GALNTL5: variants seen among roughly 807,000 people sequenced by gnomAD.
GALNTL5 encodes the protein inactive polypeptide N-acetylgalactosaminyltransferase-like protein 5.
A neutral mutation model predicts 51.0 loss-of-function variants in GALNTL5; 44 were observed. The ratio of observed to expected loss-of-function variants is 0.86; its 90% CI spans 0.68 to 1.11. The LOEUF is 1.11. Among genes scored for constraint, GALNTL5 ranks in the 50% least tolerant of loss-of-function variants. The probability of loss-of-function intolerance (pLI) is 0.00; values close to 1 mark genes in which losing one functional copy is unlikely to be tolerated. For synonymous variants in GALNTL5, 192 were observed against 182.8 expected, an observed-to-expected ratio of 1.05 and a Z score of -0.41; for missense variants, 528 against 531.8, an observed-to-expected ratio of 0.99 and a Z score of 0.07.
At chr7:151,978,676 G>T (rs1364376007) in intron 3 of GALNTL5, among the ~76,000 whole-genome samples, 1 of 152,196 alleles carries the variant, frequency 6.6e-6, no homozygotes, top group Admixed American at 6.5e-5. Context: ...AAATCAAGTT[G>T]TTGGCAGGAT....
intron 6 of GALNTL5, among the ~76,000 whole-genome samples, chr7:152,005,133 G>C (rs2081627666): frequency 6.6e-6 from 1 of 152,068 alleles, no homozygotes; most frequent in African/African-American, 2.4e-5. Context: ...ATTAGTCATG[G>C]TATTAATTAG....
At chr7:151,957,156 A>G in intron 1 of GALNTL5, among the ~76,000 whole-genome samples, 1 of 146,580 alleles carries the variant, frequency 6.8e-6, no homozygotes, top group East Asian at 2.0e-4. Context: ...AAAAAAAAAA[A>G]AAAGGAAAAA....
intron 7 of GALNTL5, among the ~76,000 whole-genome samples, chr7:152,011,852 C>G (rs1397068016): frequency 6.6e-6 from 1 of 152,182 alleles, no homozygotes; most frequent in Non-Finnish European, 1.5e-5. Context: ...CAGTTATTGT[C>G]ACAGCAGCAG....
intron 8 of GALNTL5, among the ~76,000 whole-genome samples, chr7:152,018,487 G>A (rs1340311680): frequency 6.6e-6 from 1 of 151,986 alleles, no homozygotes; most frequent in South Asian, 2.1e-4. Flanking sequence ...CGCTGGTCAG[G>A]GATCTAGATG....
At chr7:152,016,746 T>C in intron 8 of GALNTL5, among the ~76,000 whole-genome samples, 1 of 151,844 alleles carries the variant, frequency 6.6e-6, no homozygotes, top group East Asian at 1.9e-4. Context: ...GCAATGAAAA[T>C]TAACTGGGCT....
chr7:151,991,012 A>G (rs547878322), intron 5 of GALNTL5, among the ~76,000 whole-genome samples: 1 of 152,258 alleles, frequency 6.6e-6, no homozygotes, highest in South Asian at 2.1e-4. Context: ...TTTTTCCTTT[A>G]TGATTTTTGG....
rs551609772 is a variant in GALNTL5, at chr7:151,957,240, A to G, written c.-40+631A>G. The stretch of plus-strand genomic sequence containing the variant: ...TGGTCATGTTTTCCTGATTCAATAG[A>G]CTCGTATTTTTTTAAAAACTTGGCC... On this transcript the variant is annotated intron_variant, in intron 1 of 8. Coordinates refer to ENST00000392800, the MANE Select transcript of GALNTL5 (RefSeq NM_145292.4). Among the ~76,000 whole-genome samples, 7 of 151,616 alleles carry G rather than the reference A, an allele frequency of 4.6e-5. No homozygotes were observed. In the South Asian group the frequency reaches 1.5e-3, roughly 32 times the overall value.
chr7:151,969,417 A>G (rs2081100174), intron 2 of GALNTL5, among the ~76,000 whole-genome samples: 1 of 152,366 alleles, frequency 6.6e-6, no homozygotes, highest in East Asian at 1.9e-4. Flanking sequence ...TCACCCATCC[A>G]AACCCAATGA....
At chr7:151,998,889 C>G (rs2081535679) in intron 5 of GALNTL5, among the ~76,000 whole-genome samples, 1 of 151,578 alleles carries the variant, frequency 6.6e-6, no homozygotes, top group South Asian at 2.1e-4. Context: ...AAAAATTAAC[C>G]AGATTTTTTA....
Position 151,961,601 on chromosome 7 carries a change from T to C in GALNTL5, c.-40+4992T>C, listed in dbSNP as rs113165416. Reference sequence around the variant, plus strand: ...AGTAAATATTCAAAGGCCAAGAGGATACTTGAGCAAATCAGAGTGTGGGTC... The same window carrying C: ...AGTAAATATTCAAAGGCCAAGAGGACACTTGAGCAAATCAGAGTGTGGGTC... On this transcript the variant is annotated intron_variant, in intron 1 of 8. Coordinates refer to ENST00000392800, the MANE Select transcript of GALNTL5 (RefSeq NM_145292.4). 2.9e-3 allele frequency among the ~76,000 whole-genome samples: 441 copies of C among 152,304 alleles called. 4 individuals are homozygous for C. Among genetic ancestry groups the C allele is most frequent in the African/African-American group, 9.7e-3 (405 of 41,566 alleles).
At chr7:151,979,609 G>A (rs926588168) in intron 3 of GALNTL5, among the ~76,000 whole-genome samples, 9 of 151,630 alleles carry the variant, frequency 5.9e-5, no homozygotes, top group South Asian at 4.2e-4. Flanking sequence ...ACAGGCACCC[G>A]CCACCACGGC....
intron 7 of GALNTL5, 60 bp downstream of exon 7, chr7:152,008,004 C>G (rs2081672819): frequency 3.3e-6 from 3 of 918,698 alleles, no homozygotes; most frequent in African/African-American, 1.7e-5. Flanking sequence ...TTGTCACATA[C>G]AATGCTGTGG....
rs747452765 is a variant in GALNTL5 at position 151,970,986 on chromosome 7, C to G, written c.289C>G (p.Leu97Val). 1 of 1,606,974 alleles carries G rather than the reference C, an allele frequency of 6.2e-7. No individual in the cohort carries two copies. The highest frequency in any genetic ancestry group is 8.5e-7 in the Non-Finnish European group (1 of 1,174,396). The change falls in exon 3 of 9, where the codon CTT becomes GTT. Residue 97 changes from leucine to valine, a missense_variant. By Grantham distance (32) the Leu-to-Val change is conservative. Coordinates refer to ENST00000392800, the MANE Select transcript of GALNTL5 (RefSeq NM_145292.4). ...TACAAACCCAGAACTTCATAAAGAA[C>G]TTTTAAAATATGGATTTAATGTGAT... ...NHTNPELHKE[L>V]LKYGFNVIIS... is the part of the protein sequence containing the mutation.
At chr7:151,957,710 G>A (rs1027517439) in intron 1 of GALNTL5, 13 of 152,072 alleles carry the variant, frequency 8.5e-5, no homozygotes, top group Admixed American at 4.6e-4. Flanking sequence ...TCTCTTTAAT[G>A]CACTTAAAAT....
At chr7:152,006,782 T>G (rs373067645) in intron 6 of GALNTL5, among the ~76,000 whole-genome samples, 25 of 151,442 alleles carry the variant, frequency 1.7e-4, no homozygotes, top group South Asian at 4.2e-4. Context: ...TTCTTTTTTT[T>G]GGGGGGGGCG....
intron 7 of GALNTL5, 150 bp from the exon 8 acceptor site, chr7:152,014,494 C>T: frequency 1.6e-6 from 1 of 626,222 alleles, no homozygotes; most frequent in South Asian, 2.4e-5. Context: ...TCTCAAACTC[C>T]CTTCCTTAGG....
intron 8 of GALNTL5, among the ~76,000 whole-genome samples, chr7:152,015,061 A>G (rs1355694843): frequency 1.3e-5 from 2 of 152,068 alleles, no homozygotes; most frequent in Non-Finnish European, 2.9e-5. Context: ...ATAAAAAACT[A>G]CCTATTGATA....
At chr7:151,968,037 T>C (rs886845610) in intron 2 of GALNTL5, among the ~76,000 whole-genome samples, 65 of 152,348 alleles carry the variant, frequency 4.3e-4, no homozygotes, top group African/African-American at 1.6e-3. Context: ...GGCTCACACA[T>C]GTAATCTCGA....
intron 1 of GALNTL5, among the ~76,000 whole-genome samples, chr7:151,966,331 G>A (rs1204764957): frequency 1.3e-5 from 2 of 151,424 alleles, no homozygotes; most frequent in African/African-American, 2.4e-5. Flanking sequence ...GCAGTGGTGC[G>A]ATCTTGGCTC....
Sources: gnomAD v4.1 joint callset for allele counts (sites outside exome capture counted in the v4.1 genomes callset) on GRCh38, gnomAD v4.1.1 for gene constraint, MANE v1.5 for transcripts, NCBI Gene and HGNC (gene_info 2026-07-23, HGNC 2026-07-21) for gene names.